MEIS1: variants seen among roughly 807,000 people sequenced by gnomAD.
MEIS1 encodes Meis homeobox 1, also known as homeobox protein Meis1.
MEIS1 carries 5 observed loss-of-function variants against 50.8 expected under a neutral mutation model. That is an observed-to-expected ratio of 0.10 (90% CI 0.05 to 0.21). MEIS1 has a LOEUF of 0.21. Among genes scored for constraint, MEIS1 ranks in the 10% least tolerant of loss-of-function variants. The pLI is 1.00. For synonymous variants in MEIS1, 176 were observed against 179.3 expected (o/e 0.98, Z 0.15); for missense variants, 318 against 517.3 (o/e 0.61, Z 3.74).
In MEIS1 at chr2:66,439,849, C is replaced by G; in HGVS notation, c.246C>G (p.Pro82=). The stretch of plus-strand genomic sequence containing the variant: ...CTGTTGTATTTTCTTGCAGACACCC[C>G]CTCTTCCCTCTCTTAGCACTGATTT... ...KRDKDAIYGH[P]LFPLLALIFE... Residue 82 remains proline (P), a synonymous_variant, in exon 3 of 13, where the codon CCC becomes CCG. Transcript: ENST00000272369. The G allele has an allele frequency of 6.2e-7, 1 of 1,613,006 alleles. No homozygotes were observed. Among genetic ancestry groups the G allele is most frequent in the East Asian group, 2.2e-5 (1 of 44,836 alleles).
chr2:66,435,568 T>A lies in MEIS1; in HGVS notation c.-289T>A, dbSNP rs1671779114. 7.5e-6 allele frequency: 3 copies of A among 400,730 alleles called. No homozygotes were observed. Among genetic ancestry groups the A allele is most frequent in the Admixed American group, 4.4e-5 (1 of 22,736 alleles). The allele number at this position is 400,730 out of a possible 1,614,324, so 24.8% of individuals were successfully genotyped here. A position where few individuals can be genotyped will look rare whatever the true frequency, so the allele number is the denominator to read the frequency against. On this transcript the variant is annotated 5_prime_UTR_variant, in exon 1 of 13. Coordinates refer to ENST00000272369, the MANE Select transcript of MEIS1 (RefSeq NM_002398.3). The stretch of plus-strand genomic sequence containing the variant: ...TTTCTTTCTTTCTTTCTTTTTTTTT[T>A]TTTAAACTGATTTTTGGGGGAGAGA...
intron 6 of MEIS1, among the ~76,000 whole-genome samples, chr2:66,453,500 A>G (rs1375284965): frequency 3.3e-5 from 5 of 151,998 alleles, no homozygotes; most frequent in African/African-American, 1.2e-4. Flanking sequence ...TTAAATCTCA[A>G]GATGCTTTGA....
chr2:66,559,660 G>A (rs1310347173), intron 9 of MEIS1, among the ~76,000 whole-genome samples: 2 of 152,044 alleles, frequency 1.3e-5, no homozygotes, highest in African/African-American at 4.8e-5. Flanking sequence ...TATTATCCTA[G>A]ATCATGCTAT....
intron 7 of MEIS1, among the ~76,000 whole-genome samples, chr2:66,474,789 T>C (rs1672849711): frequency 6.6e-6 from 1 of 152,202 alleles, no homozygotes; most frequent in African/African-American, 2.4e-5. Flanking sequence ...CATTCCCTCC[T>C]AACGTTGCTC....
intron 7 of MEIS1, among the ~76,000 whole-genome samples, chr2:66,491,273 C>G (rs1056306532): frequency 6.6e-6 from 1 of 152,240 alleles, no homozygotes; most frequent in Non-Finnish European, 1.5e-5. Context: ...CAGTGTTTCT[C>G]ACATTGGCCC....
chr2:66,436,805 A>G (rs1647350069), intron 1 of MEIS1: 1 of 865,450 alleles, frequency 1.2e-6, no homozygotes, highest in African/African-American at 1.8e-5. Context: ...CCTGGAATGA[A>G]CCAATTAGAA....
intron 9 of MEIS1, among the ~76,000 whole-genome samples, chr2:66,560,517 T>G (rs1572905163): frequency 6.8e-6 from 1 of 147,440 alleles, no homozygotes; most frequent in East Asian, 2.0e-4. Context: ...GCCAGGGAGG[T>G]GGAGGTTGCT....
intron 8 of MEIS1, among the ~76,000 whole-genome samples, chr2:66,541,024 T>C (rs1008646710): frequency 1.3e-5 from 2 of 151,768 alleles, no homozygotes; most frequent in Admixed American, 1.3e-4. Context: ...TTATTTTATT[T>C]TATTTTATTA....
Position 66,466,747 on chromosome 2 carries a change from T to A in MEIS1, c.742+2527T>A, listed in dbSNP as rs138564150. 2.4e-3 allele frequency among the ~76,000 whole-genome samples: 368 copies of A among 152,256 alleles called. 2 individuals carry two copies. The highest frequency in any genetic ancestry group is 8.0e-3 in the African/African-American group (333 of 41,542). On this transcript the variant is annotated intron_variant, in intron 7 of 12. Coordinates refer to ENST00000272369, the MANE Select transcript of MEIS1 (RefSeq NM_002398.3). ...CAGCCCTCTTCAAAAGATTTATAAA[T>A]CCATAAATATGTCTTTATACATACC... is the stretch of plus-strand genomic sequence containing the variant.
At chr2:66,461,760 G>A (rs754412759) in intron 6 of MEIS1, 5 of 420,812 alleles carry the variant, frequency 1.2e-5, no homozygotes, top group Non-Finnish European at 2.4e-5. Flanking sequence ...AGCATCTAAG[G>A]CCCAACACAA....
At chr2:66,466,161 A>G (rs1041322687) in intron 7 of MEIS1, among the ~76,000 whole-genome samples, 61 of 152,218 alleles carry the variant, frequency 4.0e-4, no homozygotes, top group African/African-American at 1.4e-3. Context: ...ATAAGGTACA[A>G]AGAAGCTGAG....
At chr2:66,460,388 C>T (rs1334430023) in intron 6 of MEIS1, among the ~76,000 whole-genome samples, 2 of 152,032 alleles carry the variant, frequency 1.3e-5, no homozygotes, top group Non-Finnish European at 2.9e-5. Context: ...GAAAAAACCC[C>T]AAACAACTTA....
At chr2:66,551,463 A>C (rs1674920169) in intron 9 of MEIS1, among the ~76,000 whole-genome samples, 2 of 152,174 alleles carry the variant, frequency 1.3e-5, no homozygotes, top group African/African-American at 4.8e-5. Context: ...CAGAATAAAA[A>C]TGGAGAGAAA....
intron 7 of MEIS1, among the ~76,000 whole-genome samples, chr2:66,471,036 G>A (rs1310547927): frequency 1.3e-5 from 2 of 152,148 alleles, no homozygotes. Flanking sequence ...ATCACTTTTA[G>A]AACAATTGAT....
intron 7 of MEIS1, among the ~76,000 whole-genome samples, chr2:66,485,452 G>A (rs905465041): frequency 3.2e-4 from 48 of 152,176 alleles, no homozygotes; most frequent in African/African-American, 1.1e-3. Context: ...TTTTATGGAT[G>A]CATAGTATTC....
intron 1 of MEIS1, 43 bp from the exon 2 acceptor site, chr2:66,437,694 G>T: frequency 6.3e-7 from 1 of 1,591,510 alleles, no homozygotes; most frequent in Non-Finnish European, 8.6e-7. Flanking sequence ...CCATTTGCCC[G>T]CCTGGCCTCC....
intron 7 of MEIS1, among the ~76,000 whole-genome samples, chr2:66,473,397 A>AAAAAAAAAAAAATATATATATAT: frequency 4.6e-5 from 5 of 107,580 alleles, no homozygotes; most frequent in African/African-American, 1.2e-4. Flanking sequence ...AAAAAAAAAA[A>AAAAAAAAAAAAATATATATATAT]ATATATATAT....
At chr2:66,480,838 A>G (rs188105081) in intron 7 of MEIS1, among the ~76,000 whole-genome samples, 108 of 152,236 alleles carry the variant, frequency 7.1e-4, no homozygotes, top group Non-Finnish European at 1.2e-3. Flanking sequence ...CTACTTTCCT[A>G]TGAAACTTTT....
At chr2:66,546,070 TG>T (rs1292697068) in intron 8 of MEIS1, among the ~76,000 whole-genome samples, 11 of 152,236 alleles carry the variant, frequency 7.2e-5, no homozygotes, top group African/African-American at 2.4e-4. Context: ...TTATTAGCAT[TG>T]GTAGATGAGT....
Sources: gnomAD v4.1 joint callset for allele counts (sites outside exome capture counted in the v4.1 genomes callset) on GRCh38, gnomAD v4.1.1 for gene constraint, MANE v1.5 for transcripts, NCBI Gene and HGNC (gene_info 2026-07-23, HGNC 2026-07-21) for gene names.